Variants in HEXB observed in about 807,000 individuals in gnomAD.
The protein encoded by HEXB is hexosaminidase subunit beta.
Under a neutral mutation model 71.2 loss-of-function variants are expected in HEXB, and 51 were observed. The ratio of observed to expected loss-of-function variants is 0.72; its 90% CI spans 0.57 to 0.90. HEXB has a LOEUF of 0.90. Among genes scored for constraint, HEXB ranks in the 40% least tolerant of loss-of-function variants. HEXB has a pLI of 0.00. For missense variants in HEXB, 617 were observed against 677.0 expected, an observed-to-expected ratio of 0.91 and a Z score of 0.98; for synonymous variants, 266 against 249.3, an observed-to-expected ratio of 1.07 and a Z score of -0.63.
At chr5:74,709,526 C>T (rs1391220379) in intron 6 of HEXB, among the ~76,000 whole-genome samples, 2 of 152,000 alleles carry the variant, frequency 1.3e-5, no homozygotes, top group Admixed American at 6.6e-5. Context: ...AAAGGATCAA[C>T]AAAATTGATA....
intron 1 of HEXB, among the ~76,000 whole-genome samples, chr5:74,655,769 A>C (rs1322007281): frequency 6.6e-6 from 1 of 152,226 alleles, no homozygotes. Flanking sequence ...TACATACACA[A>C]TATCTTTTTA....
chr5:74,648,927 A>G (rs1748052281), intron 1 of HEXB, among the ~76,000 whole-genome samples: 1 of 152,222 alleles, frequency 6.6e-6, no homozygotes, highest in Non-Finnish European at 1.5e-5. Context: ...CACAGAACAC[A>G]AATGCGGGTT....
intron 1 of HEXB, among the ~76,000 whole-genome samples, chr5:74,673,306 A>G (rs992432283): frequency 6.6e-6 from 1 of 152,246 alleles, no homozygotes; most frequent in African/African-American, 2.4e-5. Flanking sequence ...CTCAGTTTTC[A>G]TAATTGCAGT....
intron 1 of HEXB, among the ~76,000 whole-genome samples, chr5:74,677,085 A>G (rs1298420815): frequency 6.6e-6 from 1 of 151,626 alleles, no homozygotes; most frequent in African/African-American, 2.4e-5. Context: ...TGGGGTTTCA[A>G]CATGTTGGCC....
rs750595127 is a variant in HEXB at position 74,720,432 on chromosome 5, TCAGAAA to T, written c.1431_1436del (p.Lys478_Gln479del). 22 of 1,606,512 alleles carry T rather than the reference TCAGAAA, an allele frequency of 1.4e-5. No homozygotes were observed. Among genetic ancestry groups the T allele is most frequent in the African/African-American group, 5.3e-5 (4 of 74,892 alleles). Reference sequence around the variant, plus strand: ...AATTCAATGATTTTAATTTAGGTACTCAGAAACAGAAACAACTTTTCATTGGTGGAG... The same window carrying T: ...AATTCAATGATTTTAATTTAGGTACTCAGAAACAACTTTTCATTGGTGGAG... On this transcript the variant is annotated inframe_deletion, in exon 12 of 14. Coordinates refer to ENST00000261416, the MANE Select transcript of HEXB (RefSeq NM_000521.4).
intron 6 of HEXB, among the ~76,000 whole-genome samples, chr5:74,709,008 C>T (rs1291467032): frequency 6.6e-6 from 1 of 151,972 alleles, no homozygotes; most frequent in East Asian, 1.9e-4. Context: ...AGCACCACAC[C>T]ACACCTATTC....
intron 1 of HEXB, among the ~76,000 whole-genome samples, chr5:74,663,196 G>GGGGC (rs1554033029): frequency 6.7e-6 from 1 of 149,990 alleles, no homozygotes; most frequent in African/African-American, 2.4e-5. Context: ...TTTTTTGGGG[G>GGGGC]GGTGGAGTGC....
At chr5:74,688,495 C>T (rs1274719460) in intron 1 of HEXB, among the ~76,000 whole-genome samples, 1 of 152,092 alleles carries the variant, frequency 6.6e-6, no homozygotes, top group African/African-American at 2.4e-5. Flanking sequence ...CCACCATACC[C>T]AGCTGATTGT....
At chr5:74,661,033 A>C (rs2112088179) in intron 1 of HEXB, among the ~76,000 whole-genome samples, 1 of 149,688 alleles carries the variant, frequency 6.7e-6, no homozygotes, top group African/African-American at 2.5e-5. Context: ...AGAGAGAGAT[A>C]GAGAGAGAGA....
intron 1 of HEXB, among the ~76,000 whole-genome samples, chr5:74,674,074 A>C (rs1037490886): frequency 6.6e-6 from 1 of 152,190 alleles, no homozygotes; most frequent in African/African-American, 2.4e-5. Flanking sequence ...TCATTTGTAT[A>C]GGTGGGAACA....
chr5:74,717,999 G>C (rs1749718585), intron 9 of HEXB, among the ~76,000 whole-genome samples: 1 of 152,160 alleles, frequency 6.6e-6, no homozygotes, highest in African/African-American at 2.4e-5. Flanking sequence ...AATTTCCTGA[G>C]TTGCCTACCA....
At chr5:74,713,415 G>A in intron 6 of HEXB, 91 bp from the exon 7 acceptor site, 2 of 1,262,182 alleles carry the variant, frequency 1.6e-6, no homozygotes, top group Admixed American at 3.4e-5. Context: ...AAAATTAGCT[G>A]TCAAATATCA....
At chr5:74,684,925 C>T (rs953585202), upstream of HEXB, among the ~76,000 whole-genome samples, 1 of 152,172 alleles carries the variant, frequency 6.6e-6, no homozygotes, top group African/African-American at 2.4e-5. Context: ...GATCCGCCCG[C>T]CTCGGCCTCC....
At position 74,705,091 on chromosome 5, in the gene HEXB, C is replaced by CAA. The variant is rs10644603; in HGVS notation, c.670-108_670-107dup. 1,705 of 440,322 alleles carry CAA rather than the reference C, an allele frequency of 3.9e-3. 6 individuals are homozygous for CAA. The highest frequency in any genetic ancestry group is 0.013 in the African/African-American group (464 of 35,404). 27.3% of individuals were successfully genotyped at this position (440,322 alleles called of 1,614,324 possible). ...TGGGCAATGGAGTGAGACCCTGTCT[C>CAA]AAAAAAAAAAAAAAAAAAAAAGTTT... On this transcript the variant is annotated intron_variant, in intron 5 of 13. Transcript: ENST00000261416.
chr5:74,700,232 T>A (rs1288704355), intron 5 of HEXB, among the ~76,000 whole-genome samples: 1 of 151,684 alleles, frequency 6.6e-6, no homozygotes, highest in East Asian at 1.9e-4. Flanking sequence ...GGTCTCAAAC[T>A]CCTGAGCTCA....
Position 74,693,678 on chromosome 5 carries a change from C to T in HEXB, c.485C>T (p.Ala162Val), listed in dbSNP as rs1311322783. 2 of 1,613,064 alleles carry T rather than the reference C, an allele frequency of 1.2e-6. No individual in the cohort carries two copies. The highest frequency in any genetic ancestry group is 1.1e-5 in the South Asian group (1 of 91,062). Reference sequence around the variant, plus strand: ...AAAGAACCAGTGGCTGTCCTTAAGGCCAACAGAGTTTGGGGAGCATTACGA... The same window carrying T: ...AAAGAACCAGTGGCTGTCCTTAAGGTCAACAGAGTTTGGGGAGCATTACGA... ...LVKEPVAVLK[A>V]NRVWGALRGL... The change falls in exon 3 of 14, where the codon GCC becomes GTC. Residue 162 changes from alanine (A) to valine (V), a missense_variant. Transcript: ENST00000261416.
At chr5:74,696,970 TA>T in intron 4 of HEXB, 25 bp from the exon 5 acceptor site, 1 of 1,252,690 alleles carries the variant, frequency 8.0e-7, no homozygotes, top group Non-Finnish European at 1.2e-6. Flanking sequence ...ATTCTAAAAC[TA>T]AATCAAAATT....
At chr5:74,688,328 A>C (rs573829490) in intron 1 of HEXB, among the ~76,000 whole-genome samples, 3 of 130,558 alleles carry the variant, frequency 2.3e-5, no homozygotes, top group South Asian at 5.1e-4. Flanking sequence ...GGATACCAAC[A>C]AAAGGTACTT....
At chr5:74,686,524 C>A (rs820881) in intron 1 of HEXB, among the ~76,000 whole-genome samples, 101,774 of 152,084 alleles carry the variant, frequency 0.67, 34,723 homozygotes, top group Non-Finnish European at 0.74. Flanking sequence ...GAGGGAATGT[C>A]AAACTAACTG....
Sources: gnomAD v4.1 joint callset for allele counts (sites outside exome capture counted in the v4.1 genomes callset) on GRCh38, gnomAD v4.1.1 for gene constraint, MANE v1.5 for transcripts, NCBI Gene and HGNC (gene_info 2026-07-23, HGNC 2026-07-21) for gene names.